The following COL20A1 variants were observed in gnomAD, a reference collection of about 807,000 sequenced individuals.
COL20A1 encodes collagen type XX alpha 1 chain.
COL20A1 carries 164 observed loss-of-function variants against 152.9 expected under a neutral mutation model. The ratio of observed to expected loss-of-function variants is 1.07; its 90% CI spans 0.94 to 1.22. The LOEUF is 1.22. Among genes scored for constraint, COL20A1 ranks in the 50% most tolerant of loss-of-function variants. COL20A1 has a pLI of 0.00. For missense variants in COL20A1, 1,873 were observed against 1,744.8 expected (o/e 1.07, Z -1.31); for synonymous variants, 864 against 756.0 (o/e 1.14, Z -2.34).
chr20:63,331,904 C>T lies in COL20A1; in HGVS notation c.*1188C>T, dbSNP rs574907350. On this transcript the variant is annotated 3_prime_UTR_variant, in exon 36 of 36. Coordinates refer to ENST00000358894, the MANE Select transcript of COL20A1 (RefSeq NM_020882.4). ...CCCCAAAGAGGTGAGCGCAAAACAG[C>T]TTCAGGGCAAACACTTCATCTATGA... is the stretch of plus-strand genomic sequence containing the variant. 6.6e-6 allele frequency: 1 copy of T among 152,274 alleles called. No individual in the cohort carries two copies. The highest frequency in any genetic ancestry group is 6.5e-5 in the Admixed American group (1 of 15,290). 9.4% of individuals were successfully genotyped at this position (152,274 alleles called of 1,614,324 possible).
Position 63,320,035 on chromosome 20 carries a change from A to T in COL20A1, c.2917-4A>T. 6.4e-7 allele frequency: 1 copy of T among 1,552,606 alleles called. No individual in the cohort carries two copies. Among genetic ancestry groups the T allele is most frequent in the Non-Finnish European group, 8.7e-7 (1 of 1,148,810 alleles). The stretch of plus-strand genomic sequence containing the variant: ...TGTGGAGAACCTCCCGTGCCGTCTC[A>T]CAGGTGCACGTGGCTGTGGGCCGCT... On this transcript the variant is annotated splice_polypyrimidine_tract_variant and splice_region_variant and intron_variant, in intron 23 of 35. Coordinates refer to ENST00000358894, the MANE Select transcript of COL20A1 (RefSeq NM_020882.4).
At chr20:63,308,413 G>T in intron 7 of COL20A1, 129 bp from the exon 8 acceptor site, 1 of 951,572 alleles carries the variant, frequency 1.1e-6, no homozygotes, top group South Asian at 1.7e-5. Flanking sequence ...GCTCCCTTGG[G>T]CTGCTGCGGG....
In COL20A1 at chr20:63,312,812, C is replaced by T; in HGVS notation, c.1954C>T (p.Gln652Ter). 1.3e-6 allele frequency: 2 copies of T among 1,554,148 alleles called. No homozygotes were observed. Among genetic ancestry groups the T allele is most frequent in the African/African-American group, 1.4e-5 (1 of 73,586 alleles). The change falls in exon 16 of 36, where the codon CAG becomes TAG. Residue 652 changes from glutamine (Q) to a stop codon, truncating the protein, a stop_gained. Coordinates refer to ENST00000358894, the MANE Select transcript of COL20A1 (RefSeq NM_020882.4). LOFTEE classifies it high-confidence loss of function. The part of the protein sequence containing the change: ...VTTKKAPSPS[Q>*]LSMTELPGDA... ...TTCAGAGAAAGCTCCCAGCCCAAGC[C>T]AGCTGTCCATGACGGAGCTGCCAGG...
In COL20A1 at chr20:63,319,521, C is replaced by T. The variant is rs1261669416; in HGVS notation, c.2841C>T (p.Asp947=). 6.3e-7 allele frequency: 1 copy of T among 1,594,452 alleles called. No individual in the cohort carries two copies. Among genetic ancestry groups the T allele is most frequent in the Non-Finnish European group, 8.5e-7 (1 of 1,171,288 alleles). Residue 947 remains aspartate (D), a synonymous_variant, in exon 23 of 36, where the codon GAC becomes GAT. Coordinates refer to ENST00000358894, the MANE Select transcript of COL20A1 (RefSeq NM_020882.4). This position sits in a 1 kb window ranked among gnomAD's most constrained non-coding sequence, Gnocchi z 4.4. ...GKKSLTYFHR[D]PRAALQEATF... is the part of the protein sequence containing the mutation. ...AGTCCCTGACCTACTTCCACCGTGACCCCAGGGCTGCCTTGCAGGAGGCCA... is the reference window on the plus strand; with the variant it reads ...AGTCCCTGACCTACTTCCACCGTGATCCCAGGGCTGCCTTGCAGGAGGCCA...
intron 31 of COL20A1, chr20:63,327,527 C>T (rs915690170): frequency 6.3e-5 from 13 of 205,056 alleles, no homozygotes; most frequent in Non-Finnish European, 1.0e-4. Flanking sequence ...CATGGGCCCC[C>T]CCTTAGGTGG....
At position 63,313,317 on chromosome 20, in the gene COL20A1, C is replaced by G; in HGVS notation, c.2209+68C>G. 1 of 1,513,282 alleles carries G rather than the reference C, an allele frequency of 6.6e-7. No homozygotes were observed. The highest frequency in any genetic ancestry group is 9.0e-7 in the Non-Finnish European group (1 of 1,115,062). The allele number at this position is 1,513,282 out of a possible 1,614,324, so 93.7% of individuals were successfully genotyped here. A position where few individuals can be genotyped will look rare whatever the true frequency, so the allele number is the denominator to read the frequency against. The stretch of plus-strand genomic sequence containing the variant: ...GATGGCCCAGGGGATCCCTGACTCA[C>G]CCGCTGCACAGGCCCAGGACCCTAG... On this transcript the variant is annotated intron_variant, in intron 17 of 35. Transcript: ENST00000358894. This position sits in a 1 kb window ranked among gnomAD's most constrained non-coding sequence, Gnocchi z 5.9.
In COL20A1 at chr20:63,299,845, G is replaced by A. The variant is rs182832619; in HGVS notation, c.193+1825G>A. 8.0e-4 allele frequency among the ~76,000 whole-genome samples: 112 copies of A among 139,710 alleles called. 1 individual carries two copies. The East Asian group carries it at 0.019, about 23-fold the overall frequency. The allele number at this position is 139,710 out of a possible 152,430, so 91.7% of individuals were successfully genotyped here. A position where few individuals can be genotyped will look rare whatever the true frequency, so the allele number is the denominator to read the frequency against. On this transcript the variant is annotated intron_variant, in intron 3 of 35. Transcript: ENST00000358894. ...TATATACATATATATGTATATATAC[G>A]TGTGTGTGTATACATATATACGTTG...
chr20:63,307,659 G>T lies in COL20A1; in HGVS notation c.655+11G>T, dbSNP rs764403922. 1.0e-5 allele frequency: 16 copies of T among 1,607,446 alleles called. No individual in the cohort carries two copies. Among genetic ancestry groups the T allele is most frequent in the Non-Finnish European group, 1.2e-5 (14 of 1,176,462 alleles). On this transcript the variant is annotated intron_variant, in intron 6 of 35. Coordinates refer to ENST00000358894, the MANE Select transcript of COL20A1 (RefSeq NM_020882.4). ...ATAAGGTCCAAGTAGGTGGGTGCTGGCCCGGCCCGCCTCCTGCCCCACCCG... is the reference window on the plus strand; with the variant it reads ...ATAAGGTCCAAGTAGGTGGGTGCTGTCCCGGCCCGCCTCCTGCCCCACCCG...
At chr20:63,325,097 G>T (rs1174458540) in intron 27 of COL20A1, 5 of 429,506 alleles carry the variant, frequency 1.2e-5, no homozygotes, top group Non-Finnish European at 2.2e-5. Flanking sequence ...ACCCTCCCAG[G>T]GTGAGCAGTG....
At chr20:63,315,538 G>A in intron 20 of COL20A1, 99 bp downstream of exon 20, 6 of 1,115,090 alleles carry the variant, frequency 5.4e-6, no homozygotes, top group Non-Finnish European at 7.5e-6. Context: ...ACCCAGTGGT[G>A]GTGCAGTTGG....
At position 63,333,100 on chromosome 20, in the gene COL20A1, C is replaced by G. The variant is rs6011746; in HGVS notation, c.*2384C>G. On this transcript the variant is annotated 3_prime_UTR_variant, in exon 36 of 36. Transcript: ENST00000358894. ...CTGGGTTTCTGGCAATGCCTCCCCT[C>G]CTGCCTTTACGGCCACAGCTCTCCC... 14,560 of 152,366 alleles carry G rather than the reference C, an allele frequency of 0.096. 973 individuals are homozygous for G. The highest frequency in any genetic ancestry group is 0.19 in the African/African-American group (7,750 of 41,480). The allele number at this position is 152,366 out of a possible 1,614,324, so 9.4% of individuals were successfully genotyped here.
At chr20:63,325,325 C>T (rs1182710785) in intron 27 of COL20A1, 116 bp from the exon 28 acceptor site, 2 of 815,728 alleles carry the variant, frequency 2.5e-6, no homozygotes, top group South Asian at 2.8e-5. Flanking sequence ...GCCAGCAGGG[C>T]TCGCCGGGGA....
At chr20:63,317,465 TA>T (rs78678381) in intron 21 of COL20A1, among the ~76,000 whole-genome samples, 12,073 of 114,502 alleles carry the variant, frequency 0.11, 737 homozygotes, top group East Asian at 0.31. Context: ...CTCCGTCCCT[TA>T]AAAAAAAAAA....
chr20:63,320,314 C>G lies in COL20A1; in HGVS notation c.3099C>G (p.Ile1033Met), dbSNP rs369267534. Residue 1033 changes from isoleucine (I) to methionine (M), a missense_variant, in exon 25 of 36, where the codon ATC becomes ATG. Coordinates refer to ENST00000358894, the MANE Select transcript of COL20A1 (RefSeq NM_020882.4). ...SAAFQLQMLQ[I>M]VCSDTWADED... ...AGTTTCAGCTCCAGATGCTGCAGAT[C>G]GTGTGCAGTGACACCTGGGCCGATG... 6.2e-7 allele frequency: 1 copy of G among 1,610,884 alleles called. No homozygotes were observed. The highest frequency in any genetic ancestry group is 1.7e-5 in the Admixed American group (1 of 60,020).
At position 63,328,444 on chromosome 20, in the gene COL20A1, A is replaced by G. The variant is rs2068286007; in HGVS notation, c.3727A>G (p.Lys1243Glu). The change falls in exon 34 of 36, where the codon AAG (lysine) becomes GAG (glutamate). Residue 1243 changes from lysine to glutamate, a missense_variant. Transcript: ENST00000358894. ...CCTGGGGTCCCCTGGCACCCGCAGC[A>G]AGGCCCTGGTTCCTGGAGAATGGGG... ...EPLGSPGTRS[K>E]ALVPGEWGRG... The G allele has an allele frequency of 2.5e-6, 4 of 1,612,476 alleles. No homozygotes were observed. The highest frequency in any genetic ancestry group is 3.4e-6 in the Non-Finnish European group (4 of 1,179,758).
At chr20:63,297,013 T>G (rs992443474) in intron 2 of COL20A1, among the ~76,000 whole-genome samples, 3 of 152,148 alleles carry the variant, frequency 2.0e-5, no homozygotes, top group African/African-American at 7.2e-5. Flanking sequence ...TGCCGCCCCC[T>G]CTTCCTCTCA....
Position 63,328,336 on chromosome 20 carries a change from G to A in COL20A1, c.3619G>A (p.Val1207Met), listed in dbSNP as rs369702957. Residue 1207 changes from valine to methionine, a missense_variant, in exon 34 of 36, where the codon GTG (valine) becomes ATG (methionine). Coordinates refer to ENST00000358894, the MANE Select transcript of COL20A1 (RefSeq NM_020882.4). ...LYQLVSQASH[V>M]SKFDSFHENT... ...GACACCCCTCCTCCCCACAGCACAC[G>A]TGTCAAAGTTCGACTCCTTCCACGA... 35 of 1,611,296 alleles carry A rather than the reference G, an allele frequency of 2.2e-5. No individual in the cohort carries two copies. The East Asian group carries it at 2.9e-4, about 13-fold the overall frequency.
chr20:63,323,884 A>G (rs928035320), intron 27 of COL20A1, among the ~76,000 whole-genome samples: 1 of 152,222 alleles, frequency 6.6e-6, no homozygotes, highest in Admixed American at 6.5e-5. Flanking sequence ...CGTTTAACCT[A>G]AACAATTCAG....
At chr20:63,327,783 G>A (rs1455214426) in intron 31 of COL20A1, 169 bp from the exon 32 acceptor site, 2 of 667,710 alleles carry the variant, frequency 3.0e-6, no homozygotes, top group Non-Finnish European at 2.6e-6. Context: ...TCGGGTGCAG[G>A]CGAGGACCAC....
Sources: gnomAD v4.1 joint callset for allele counts (sites outside exome capture counted in the v4.1 genomes callset) on GRCh38, gnomAD v4.1.1 for gene constraint, Gnocchi (gnomAD v3.1) non-coding constraint, MANE v1.5 for transcripts, NCBI Gene and HGNC (gene_info 2026-07-23, HGNC 2026-07-21) for gene names.